Variants in PCLO observed in about 807,000 individuals in gnomAD.
PCLO encodes protein piccolo.
A neutral mutation model predicts 427.5 loss-of-function variants in PCLO; 82 were observed. That is an observed-to-expected ratio of 0.19 (90% CI 0.16 to 0.23). The LOEUF is 0.23. PCLO is among the 10% of genes least tolerant of loss of function. The pLI is 1.00. For missense variants in PCLO, 6,239 were observed against 6,115.9 expected, an observed-to-expected ratio of 1.02 and a Z score of -0.67; for synonymous variants, 2,357 against 2,155.4, an observed-to-expected ratio of 1.09 and a Z score of -2.59.
chr7:82,977,377 CTTTTTTATTTAT>C lies in PCLO; in HGVS notation c.3301-10902_3301-10891del, dbSNP rs1369033054. On this transcript the variant is annotated intron_variant, in intron 3 of 24. Coordinates refer to ENST00000333891, the MANE Select transcript of PCLO (RefSeq NM_033026.6). ...TAAACTGCCTGAGTGCAAAATTCAT[CTTTTTTATTTAT>C]TTATTTATTTATTTATTTATTTATT... Among the ~76,000 whole-genome samples, 87 of 136,868 alleles carry C rather than the reference CTTTTTTATTTAT, an allele frequency of 6.4e-4. 1 individual carries two copies. Among genetic ancestry groups the C allele is most frequent in the East Asian group, 1.7e-3 (8 of 4,782 alleles). 89.8% of individuals were successfully genotyped at this position (136,868 alleles called of 152,430 possible). A position where few individuals can be genotyped will look rare whatever the true frequency, so the allele number is the denominator to read the frequency against.
At chr7:83,101,415 C>T (rs7781169) in intron 3 of PCLO, among the ~76,000 whole-genome samples, 69,666 of 151,724 alleles carry the variant, frequency 0.46, 16,402 homozygotes, top group East Asian at 0.71. Flanking sequence ...ATCTGCATCA[C>T]TAGTGATTTA....
intron 3 of PCLO, among the ~76,000 whole-genome samples, chr7:83,072,507 T>G (rs1789844209): frequency 1.3e-5 from 2 of 152,076 alleles, no homozygotes; most frequent in African/African-American, 4.8e-5. Context: ...TTCCTATGTC[T>G]TCAATTGTAT....
chr7:82,929,326 G>C (rs866761223), intron 6 of PCLO, among the ~76,000 whole-genome samples: 2 of 152,042 alleles, frequency 1.3e-5, no homozygotes, highest in Admixed American at 6.6e-5. Context: ...ATTAATTCCA[G>C]GTTTCAGATA....
At chr7:82,792,430 G>A (rs749366464) in intron 22 of PCLO, among the ~76,000 whole-genome samples, 15 of 151,298 alleles carry the variant, frequency 9.9e-5, no homozygotes, top group Non-Finnish European at 1.2e-4. Flanking sequence ...GAGCCCAAGC[G>A]ATACTCCCTC....
chr7:82,808,664 A>G (rs1791506490), intron 20 of PCLO, among the ~76,000 whole-genome samples: 1 of 151,992 alleles, frequency 6.6e-6, no homozygotes, highest in Non-Finnish European at 1.5e-5. Context: ...TGATGGAATC[A>G]GTCTAACATC....
At chr7:82,872,696 A>C (rs1487646984) in intron 10 of PCLO, among the ~76,000 whole-genome samples, 4 of 152,142 alleles carry the variant, frequency 2.6e-5, no homozygotes, top group Non-Finnish European at 5.9e-5. Context: ...GCATTGTCTA[A>C]AGCGGTAAAA....
chr7:83,018,745 T>C (rs1318706930), intron 3 of PCLO, among the ~76,000 whole-genome samples: 1 of 151,990 alleles, frequency 6.6e-6, no homozygotes, highest in East Asian at 1.9e-4. Context: ...ATTGCTTGCT[T>C]TGATTTTACA....
chr7:82,775,121 A>C (rs2129467932), intron 22 of PCLO, among the ~76,000 whole-genome samples: 1 of 152,248 alleles, frequency 6.6e-6, no homozygotes, highest in Non-Finnish European at 1.5e-5. Flanking sequence ...ACCACAGTTT[A>C]TTTATCCATT....
intron 3 of PCLO, among the ~76,000 whole-genome samples, chr7:83,022,510 G>A (rs1369153754): frequency 1.3e-5 from 2 of 152,144 alleles, no homozygotes; most frequent in Non-Finnish European, 2.9e-5. Flanking sequence ...TTCCCTTGAA[G>A]ACCATAGGAT....
intron 22 of PCLO, among the ~76,000 whole-genome samples, chr7:82,778,687 A>G (rs1790807024): frequency 1.3e-5 from 2 of 152,062 alleles, no homozygotes; most frequent in Admixed American, 1.3e-4. Flanking sequence ...AATGTGAAGT[A>G]CTAGTATTTT....
intron 10 of PCLO, chr7:82,868,302 A>T (rs1019269355): frequency 9.3e-6 from 4 of 430,846 alleles, no homozygotes; most frequent in African/African-American, 2.0e-5. Flanking sequence ...TAGTAATGCT[A>T]CTGGAATTAG....
At chr7:82,967,681 G>C (rs1795810017) in intron 3 of PCLO, among the ~76,000 whole-genome samples, 1 of 152,112 alleles carries the variant, frequency 6.6e-6, no homozygotes, top group African/African-American at 2.4e-5. Flanking sequence ...ACTACTCTCT[G>C]ATAAGAATAT....
chr7:82,825,815 G>A (rs984917796), intron 18 of PCLO, among the ~76,000 whole-genome samples: 1 of 146,944 alleles, frequency 6.8e-6, no homozygotes, highest in East Asian at 2.0e-4. Context: ...TATATACAAT[G>A]TATAATATAC....
intron 16 of PCLO, among the ~76,000 whole-genome samples, chr7:82,830,471 TAGAA>T (rs1792067003): frequency 6.6e-6 from 1 of 151,940 alleles, no homozygotes; most frequent in South Asian, 2.1e-4. Context: ...GATAGTGACA[TAGAA>T]AGAATTAGTG....
intron 22 of PCLO, among the ~76,000 whole-genome samples, chr7:82,775,002 T>A (rs190454227): frequency 1.3e-5 from 2 of 152,298 alleles, no homozygotes; most frequent in East Asian, 3.9e-4. Flanking sequence ...AGATATAGAT[T>A]TTTTAGATTT....
At chr7:83,099,590 C>T (rs1790684963) in intron 3 of PCLO, among the ~76,000 whole-genome samples, 1 of 151,936 alleles carries the variant, frequency 6.6e-6, no homozygotes, top group Non-Finnish European at 1.5e-5. Flanking sequence ...AGGGTTTCAT[C>T]ATGTTGGCCA....
chr7:82,765,791 T>A (rs1047486423), intron 22 of PCLO, among the ~76,000 whole-genome samples: 29 of 151,988 alleles, frequency 1.9e-4, no homozygotes, highest in African/African-American at 5.8e-4. Flanking sequence ...TATCTTTTTT[T>A]AAAAGGAGCT....
intron 9 of PCLO, among the ~76,000 whole-genome samples, chr7:82,897,943 T>C (rs1793946367): frequency 1.3e-5 from 2 of 151,458 alleles, no homozygotes; most frequent in South Asian, 4.1e-4. Flanking sequence ...CTATGTATAT[T>C]TTCCATGTTA....
chr7:82,928,538 G>A lies in PCLO; in HGVS notation c.11113-11665C>T, dbSNP rs1562863611. 3.3e-5 allele frequency among the ~76,000 whole-genome samples: 5 copies of A among 151,954 alleles called. 1 individual carries two copies. The highest frequency in any genetic ancestry group is 2.6e-4 in the Admixed American group (4 of 15,246). On this transcript the variant is annotated intron_variant, in intron 6 of 24. Coordinates refer to ENST00000333891, the MANE Select transcript of PCLO (RefSeq NM_033026.6). Reference sequence around the variant, plus strand: ...TGGGATTACAGGCACCTGCTACCACGCTCGGCTAATTTTTTTTGTATTTTT... The same window carrying A: ...TGGGATTACAGGCACCTGCTACCACACTCGGCTAATTTTTTTTGTATTTTT...
Sources: allele counts gnomAD v4.1 joint callset (sites outside exome capture counted in the v4.1 genomes callset), GRCh38; gene constraint gnomAD v4.1.1; transcripts MANE v1.5; gene names NCBI Gene and HGNC (gene_info 2026-07-23, HGNC 2026-07-21).